Variants in TPGS2 observed in about 807,000 individuals in gnomAD.
TPGS2 encodes polyglutamylase subunit 2.
A neutral mutation model predicts 31.1 loss-of-function variants in TPGS2; 26 were observed. The ratio of observed to expected loss-of-function variants is 0.84; its 90% CI spans 0.61 to 1.16. The LOEUF (loss-of-function observed/expected upper bound fraction) is 1.16, where lower values mean the gene tolerates loss of function less well. Among genes scored for constraint, TPGS2 ranks in the 50% most tolerant of loss-of-function variants. TPGS2 has a pLI of 0.00. For synonymous variants in TPGS2, 130 were observed against 136.6 expected, an observed-to-expected ratio of 0.95 and a Z score of 0.34; for missense variants, 351 against 363.8, an observed-to-expected ratio of 0.96 and a Z score of 0.29.
chr18:36,795,868 C>CTGTT lies in TPGS2; in HGVS notation c.*933_*936dup. The CTGTT allele has an allele frequency of 1.0e-6, 1 of 985,462 alleles. No individual in the cohort carries two copies. Among genetic ancestry groups the CTGTT allele is most frequent in the Non-Finnish European group, 1.2e-6 (1 of 829,944 alleles). The allele number at this position is 985,462 out of a possible 1,614,324, so 61.0% of individuals were successfully genotyped here. A position where few individuals can be genotyped will look rare whatever the true frequency, so the allele number is the denominator to read the frequency against. ...GGCAGGCAGAGCAGGTGGAAAGCTT[C>CTGTT]TGTTAACAGTGTCTGGCACCATTAA... On this transcript the variant is annotated 3_prime_UTR_variant, in exon 7 of 7. Transcript: ENST00000334295.
At chr18:36,781,109 C>T (rs535443475), downstream of TPGS2, among the ~76,000 whole-genome samples, 22 of 152,218 alleles carry the variant, frequency 1.4e-4, no homozygotes, top group South Asian at 2.1e-3. Context: ...GCTTTTCAAG[C>T]GCAGGTCATC....
chr18:36,820,260 A>G (rs927869121), intron 1 of TPGS2, among the ~76,000 whole-genome samples: 11 of 152,222 alleles, frequency 7.2e-5, no homozygotes, highest in African/African-American at 2.7e-4. Flanking sequence ...TGGGTTTGAA[A>G]GAGGACACAT....
chr18:36,803,212 C>T (rs1309578769), intron 4 of TPGS2, among the ~76,000 whole-genome samples: 1 of 152,112 alleles, frequency 6.6e-6, no homozygotes, highest in Admixed American at 6.5e-5. Flanking sequence ...CAATAGATCA[C>T]CAGAACTTAT....
chr18:36,823,039 G>C (rs1356782385), intron 1 of TPGS2, among the ~76,000 whole-genome samples: 1 of 152,108 alleles, frequency 6.6e-6, no homozygotes, highest in East Asian at 1.9e-4. Context: ...ACATTTGGGG[G>C]AATGTTTTAT....
chr18:36,823,840 T>A (rs191205891), intron 1 of TPGS2: 1 of 985,394 alleles, frequency 1.0e-6, no homozygotes, highest in Admixed American at 6.1e-5. Flanking sequence ...TGTAACATAA[T>A]CAAGGTGTGG....
intron 6 of TPGS2, 137 bp downstream of exon 6, chr18:36,798,312 A>T: frequency 6.6e-7 from 1 of 1,508,340 alleles, no homozygotes; most frequent in South Asian, 1.3e-5. Flanking sequence ...TGTCTTGCTT[A>T]TTGAAAATGC....
At chr18:36,800,539 A>G (rs779094053) in intron 4 of TPGS2, among the ~76,000 whole-genome samples, 30 of 152,236 alleles carry the variant, frequency 2.0e-4, no homozygotes, top group Non-Finnish European at 4.0e-4. Flanking sequence ...ATGTCAGGGA[A>G]TCTGGGAAAA....
downstream of TPGS2, chr18:36,781,886 T>C (rs1391479928): frequency 1.0e-5 from 10 of 985,308 alleles, no homozygotes; most frequent in African/African-American, 1.7e-5. Context: ...CTTGCGAGAG[T>C]TGGGTCTGTA....
At chr18:36,825,997 A>C (rs995644141) in intron 1 of TPGS2, among the ~76,000 whole-genome samples, 5 of 152,166 alleles carry the variant, frequency 3.3e-5, no homozygotes, top group African/African-American at 1.2e-4. Context: ...AATTTTCAGT[A>C]CATAAGTCAT....
chr18:36,821,079 G>A (rs2045875067), intron 1 of TPGS2: 1 of 152,204 alleles, frequency 6.6e-6, no homozygotes, highest in Admixed American at 6.5e-5. Flanking sequence ...TGAGAGGTGA[G>A]TCTATTTCTC....
At chr18:36,823,015 C>T (rs1217844187) in intron 1 of TPGS2, among the ~76,000 whole-genome samples, 2 of 152,178 alleles carry the variant, frequency 1.3e-5, no homozygotes, top group Admixed American at 6.5e-5. Context: ...ATAGCATTTG[C>T]TCTTTTCTTT....
At chr18:36,783,135 T>A in intron 6 of TPGS2, 1 of 398,506 alleles carries the variant, frequency 2.5e-6, no homozygotes, top group Non-Finnish European at 4.4e-6. Flanking sequence ...AAAGAGCCTA[T>A]AAGAAAAATC....
intron 1 of TPGS2, among the ~76,000 whole-genome samples, chr18:36,826,404 CTGTGTGTGTGTGTGTGTGTGTG>C (rs34742069): frequency 1.4e-5 from 2 of 146,332 alleles, no homozygotes; most frequent in Non-Finnish European, 3.0e-5. Context: ...GGTGTATAGG[CTGTGTGTGTGTGTGTGTGTGTG>C]TGTGTGTGTG....
chr18:36,820,284 G>A (rs1377140362), intron 1 of TPGS2, among the ~76,000 whole-genome samples: 1 of 152,154 alleles, frequency 6.6e-6, no homozygotes, highest in African/African-American at 2.4e-5. Context: ...ATTATTTACT[G>A]TTTATAACAG....
At chr18:36,780,659 T>C (rs2043987600), downstream of TPGS2, among the ~76,000 whole-genome samples, 1 of 152,170 alleles carries the variant, frequency 6.6e-6, no homozygotes, top group African/African-American at 2.4e-5. Flanking sequence ...AGTCTGTTGC[T>C]CCTAAGCCAC....
At chr18:36,809,544 T>C (rs537561026) in intron 2 of TPGS2, among the ~76,000 whole-genome samples, 43 of 152,348 alleles carry the variant, frequency 2.8e-4, no homozygotes, top group African/African-American at 9.9e-4. Flanking sequence ...TTTGTTTTCC[T>C]ATTATTAGGA....
chr18:36,789,281 AATT>A (rs1412569885), downstream of TPGS2: 1 of 152,184 alleles, frequency 6.6e-6, no homozygotes, highest in Non-Finnish European at 1.5e-5. Context: ...TTTTCACCAG[AATT>A]ATTCTGAAAA....
intron 6 of TPGS2, among the ~76,000 whole-genome samples, chr18:36,797,581 C>T (rs1337661001): frequency 6.7e-6 from 1 of 150,080 alleles, no homozygotes; most frequent in East Asian, 1.9e-4. Flanking sequence ...AAATCACAGC[C>T]GCCTCTCAAT....
rs1243793116 is a variant in TPGS2, at chr18:36,818,837, G to T, written c.165+57C>A. 8 of 1,468,510 alleles carry T rather than the reference G, an allele frequency of 5.4e-6. No homozygotes were observed. The Admixed American group carries it at 1.5e-4, about 27-fold the overall frequency. The allele number at this position is 1,468,510 out of a possible 1,614,324, so 91.0% of individuals were successfully genotyped here. A position where few individuals can be genotyped will look rare whatever the true frequency, so the allele number is the denominator to read the frequency against. On this transcript the variant is annotated intron_variant, in intron 2 of 6. Transcript: ENST00000334295. ...TCCTCCCCTAATCTTTCCTTCTCAG[G>T]GACATTTACACTGACCTCTCTTTGA...
Sources: gnomAD v4.1 joint callset for allele counts (sites outside exome capture counted in the v4.1 genomes callset) on GRCh38, gnomAD v4.1.1 for gene constraint, MANE v1.5 for transcripts, NCBI Gene and HGNC (gene_info 2026-07-23, HGNC 2026-07-21) for gene names.